Variants in FER observed in about 807,000 individuals in gnomAD.
The protein encoded by FER is tyrosine-protein kinase Fer.
Under a neutral mutation model 111.0 loss-of-function variants are expected in FER, and 63 were observed. That is an observed-to-expected ratio of 0.57 (90% CI 0.46 to 0.70). FER has a LOEUF of 0.70. FER is among the 30% of genes least tolerant of loss of function. The pLI is 0.00. For missense variants in FER, 914 were observed against 954.0 expected (o/e 0.96, Z 0.55); for synonymous variants, 327 against 313.9 (o/e 1.04, Z -0.44).
At chr5:109,037,063 G>T (rs112527489) in intron 13 of FER, among the ~76,000 whole-genome samples, 1 of 152,012 alleles carries the variant, frequency 6.6e-6, no homozygotes, top group African/African-American at 2.4e-5. Context: ...ATTTTACATT[G>T]TAAAATCAAA....
intron 2 of FER, among the ~76,000 whole-genome samples, chr5:108,777,065 A>T (rs1318773586): frequency 1.3e-5 from 2 of 152,184 alleles, no homozygotes; most frequent in Non-Finnish European, 1.5e-5. Flanking sequence ...TAATCCCAGC[A>T]CGTTGGGAGG....
Position 109,094,732 on chromosome 5 carries a change from G to C in FER, c.1925-5664G>C, listed in dbSNP as rs556535443. On this transcript the variant is annotated intron_variant, in intron 16 of 19. Coordinates refer to ENST00000281092, the MANE Select transcript of FER (RefSeq NM_005246.4). ...CTTTATTCACAGAAACAGGCAATAG[G>C]CTGGATTGGGCTCAAGGCCATGGTT... Among the ~76,000 whole-genome samples the C allele has an allele frequency of 3.9e-5, 6 of 152,254 alleles. No individual in the cohort carries two copies. In the South Asian group the frequency reaches 1.2e-3, roughly 32 times the overall value.
At chr5:109,074,289 A>G (rs760833613) in intron 16 of FER, among the ~76,000 whole-genome samples, 4 of 152,206 alleles carry the variant, frequency 2.6e-5, no homozygotes, top group Non-Finnish European at 1.5e-5. Context: ...GCTACTTGTC[A>G]GGATTCACAT....
chr5:108,923,655 G>A (rs1365050398), intron 10 of FER, among the ~76,000 whole-genome samples: 1 of 152,114 alleles, frequency 6.6e-6, no homozygotes, highest in Admixed American at 6.5e-5. Context: ...TATCAAAAGT[G>A]GAGCCTTACT....
chr5:109,142,623 T>G (rs1405687485), intron 17 of FER, among the ~76,000 whole-genome samples: 1 of 152,178 alleles, frequency 6.6e-6, no homozygotes, highest in African/African-American at 2.4e-5. Flanking sequence ...TAAATATTTA[T>G]AGAGAGAGCA....
Position 108,867,752 on chromosome 5 carries a change from T to C in FER, c.482-15T>C. On this transcript the variant is annotated splice_polypyrimidine_tract_variant and intron_variant, in intron 5 of 19. Transcript: ENST00000281092. Reference sequence around the variant, plus strand: ...TATCTCTTTACTAACTTTCTTCAGTTTTTTTTTTTTTCAGGGAAGGAAACT... The same window carrying C: ...TATCTCTTTACTAACTTTCTTCAGTCTTTTTTTTTTTCAGGGAAGGAAACT... 1 of 1,431,518 alleles carries C rather than the reference T, an allele frequency of 7.0e-7. No homozygotes were observed. Among genetic ancestry groups the C allele is most frequent in the East Asian group, 2.5e-5 (1 of 39,992 alleles). 88.7% of individuals were successfully genotyped at this position (1,431,518 alleles called of 1,614,324 possible). A position where few individuals can be genotyped will look rare whatever the true frequency, so the allele number is the denominator to read the frequency against.
chr5:108,824,299 T>TC (rs1759209730), intron 3 of FER, among the ~76,000 whole-genome samples: 1 of 152,176 alleles, frequency 6.6e-6, no homozygotes, highest in Non-Finnish European at 1.5e-5. Flanking sequence ...ATTTTTTTTT[T>TC]CTATTTCAAA....
chr5:109,169,820 T>A (rs895791042), intron 17 of FER, among the ~76,000 whole-genome samples: 4 of 152,272 alleles, frequency 2.6e-5, no homozygotes, highest in Non-Finnish European at 2.9e-5. Flanking sequence ...TGTAGCTGTG[T>A]CTGGTTGGGA....
intron 13 of FER, among the ~76,000 whole-genome samples, chr5:108,982,108 A>G (rs1762073341): frequency 6.6e-6 from 1 of 152,036 alleles, no homozygotes; most frequent in Admixed American, 6.6e-5. Flanking sequence ...TAGAAATGCA[A>G]ATTTTCTGAC....
At chr5:108,798,612 C>A (rs1256104303) in intron 3 of FER, among the ~76,000 whole-genome samples, 5 of 152,172 alleles carry the variant, frequency 3.3e-5, no homozygotes, top group African/African-American at 4.8e-5. Context: ...CTTTGGAAGG[C>A]TGAGGCAGCA....
At chr5:109,039,103 C>G (rs1473617350) in intron 14 of FER, among the ~76,000 whole-genome samples, 2 of 151,928 alleles carry the variant, frequency 1.3e-5, no homozygotes, top group African/African-American at 4.8e-5. Flanking sequence ...TAATCATTTA[C>G]AGTATACTGC....
chr5:108,822,913 C>G (rs1759053618), intron 3 of FER, among the ~76,000 whole-genome samples: 1 of 150,524 alleles, frequency 6.6e-6, no homozygotes, highest in Non-Finnish European at 1.5e-5. Flanking sequence ...CCTCAGCCTC[C>G]TGGCTGGAAT....
intron 13 of FER, among the ~76,000 whole-genome samples, chr5:109,020,811 T>C (rs1442719673): frequency 2.6e-5 from 4 of 152,094 alleles, no homozygotes; most frequent in Non-Finnish European, 2.9e-5. Flanking sequence ...CTTGTACTGA[T>C]GAACCTCTTT....
At position 108,868,834 on chromosome 5, in the gene FER, G is replaced by A. The variant is rs367549206; in HGVS notation, c.665+884G>A. Among the ~76,000 whole-genome samples, 12 of 152,236 alleles carry A rather than the reference G, an allele frequency of 7.9e-5. No homozygotes were observed. In the East Asian group the frequency reaches 2.1e-3, roughly 27 times the overall value. On this transcript the variant is annotated intron_variant, in intron 6 of 19. Transcript: ENST00000281092. Reference sequence around the variant, plus strand: ...AATTTATCTGTAATTACATAAATTAGCACATAAGCTCTTAGGTTTAGCATA... The same window carrying A: ...AATTTATCTGTAATTACATAAATTAACACATAAGCTCTTAGGTTTAGCATA...
intron 2 of FER, among the ~76,000 whole-genome samples, chr5:108,787,494 G>T (rs1580527133): frequency 6.6e-6 from 1 of 152,258 alleles, no homozygotes; most frequent in Middle Eastern, 3.4e-3. Context: ...CTGGGGGCTG[G>T]GCTGCCAGTT....
intron 3 of FER, among the ~76,000 whole-genome samples, chr5:108,829,657 T>A (rs1759833117): frequency 6.6e-6 from 1 of 152,104 alleles, no homozygotes; most frequent in Admixed American, 6.6e-5. Flanking sequence ...CTTTTTTAAG[T>A]CACTTTTATG....
chr5:109,169,760 G>C (rs1373183553), intron 17 of FER, among the ~76,000 whole-genome samples: 2 of 152,154 alleles, frequency 1.3e-5, no homozygotes, highest in African/African-American at 4.8e-5. Context: ...TGCCACCCAG[G>C]AGTGTGGCCT....
chr5:108,830,038 A>G (rs1040304620), intron 3 of FER, among the ~76,000 whole-genome samples: 3 of 152,232 alleles, frequency 2.0e-5, no homozygotes, highest in African/African-American at 7.2e-5. Context: ...GGAGCTTGCT[A>G]TGTTCAGCAA....
chr5:108,805,731 G>A (rs1446372471), intron 3 of FER, among the ~76,000 whole-genome samples: 5 of 152,120 alleles, frequency 3.3e-5, no homozygotes, highest in Admixed American at 1.3e-4. Context: ...ATCGAAATTT[G>A]AACTTGAGAG....
Sources: allele counts gnomAD v4.1 joint callset (sites outside exome capture counted in the v4.1 genomes callset), GRCh38; gene constraint gnomAD v4.1.1; transcripts MANE v1.5; gene names NCBI Gene and HGNC (gene_info 2026-07-23, HGNC 2026-07-21).